The following SOX5 variants were observed in gnomAD, a reference collection of about 807,000 sequenced individuals.
The protein encoded by SOX5 is transcription factor SOX-5.
A neutral mutation model predicts 92.0 loss-of-function variants in SOX5; 9 were observed. The observed-to-expected ratio is 0.10, with a 90% CI of 0.06 to 0.17. The LOEUF is 0.17. SOX5 is among the 10% of genes least tolerant of loss of function. SOX5 has a pLI of 1.00. For missense variants in SOX5, 642 were observed against 944.5 expected (o/e 0.68, Z 4.20); for synonymous variants, 344 against 336.3 (o/e 1.02, Z -0.25).
At chr12:23,898,103 T>C (rs1407667386) in intron 1 of SOX5, among the ~76,000 whole-genome samples, 1 of 152,184 alleles carries the variant, frequency 6.6e-6, no homozygotes, top group Non-Finnish European at 1.5e-5. Flanking sequence ...ACTGTTCTGA[T>C]TCGATGTTCT....
intron 4 of SOX5, among the ~76,000 whole-genome samples, chr12:24,097,329 A>G (rs1945542818): frequency 6.6e-6 from 1 of 151,876 alleles, no homozygotes; most frequent in Non-Finnish European, 1.5e-5. Context: ...TTATGTTTAT[A>G]CTCTTTTATA....
intron 3 of SOX5, among the ~76,000 whole-genome samples, chr12:24,220,224 T>G (rs1159303181): frequency 1.3e-5 from 2 of 152,106 alleles, no homozygotes; most frequent in Non-Finnish European, 2.9e-5. Context: ...ATCATCATTA[T>G]CATCAAGTAG....
intron 6 of SOX5, among the ~76,000 whole-genome samples, chr12:23,685,250 C>T (rs2087317115): frequency 6.6e-6 from 1 of 151,898 alleles, no homozygotes. Flanking sequence ...TCTTTCTATT[C>T]TCCTGCTTTA....
rs200764196 is a variant in SOX5 at position 24,412,782 on chromosome 12, T to TTC, written c.-250-44144_-250-44143insGA. ...CTGCTGGGTTTCCATTAGATTTTCTTTTTTTTTTTTTTTTTGAGAGGGAGT... is the reference window on the plus strand; with the variant it reads ...CTGCTGGGTTTCCATTAGATTTTCTTTCTTTTTTTTTTTTTTTGAGAGGGAGT... On this transcript the variant is annotated intron_variant, in intron 1 of 4. Transcript: ENST00000446891. Among the ~76,000 whole-genome samples the TTC allele has an allele frequency of 2.0e-4, 29 of 146,012 alleles. 1 individual carries two copies. The highest frequency in any genetic ancestry group is 3.5e-3 in the Middle Eastern group (1 of 284).
chr12:24,252,375 A>G (rs1213915310), intron 3 of SOX5, among the ~76,000 whole-genome samples: 1 of 152,170 alleles, frequency 6.6e-6, no homozygotes, highest in Non-Finnish European at 1.5e-5. Flanking sequence ...TCGTTTTTAC[A>G]TAGAGAATGT....
intron 4 of SOX5, among the ~76,000 whole-genome samples, chr12:24,064,120 T>A (rs1434104857): frequency 6.6e-6 from 1 of 152,186 alleles, no homozygotes; most frequent in Non-Finnish European, 1.5e-5. Context: ...GAACCACCAA[T>A]GCTAGCCTTT....
At position 24,136,604 on chromosome 12, in the gene SOX5, G is replaced by T. The variant is rs79373135; in HGVS notation, c.-2+76739C>A. Among the ~76,000 whole-genome samples, 212 of 152,242 alleles carry T rather than the reference G, an allele frequency of 1.4e-3. 4 individuals are homozygous for T. In the East Asian group the frequency reaches 0.039, roughly 28 times the overall value. On this transcript the variant is annotated intron_variant, in intron 4 of 4. Coordinates refer to the SOX5 transcript ENST00000446891. Reference sequence around the variant, plus strand: ...GGGATGTGCTGCTATTGTTTAAGGGGGCTTCAGAACTTGTAGCAGTGAGGG... The same window carrying T: ...GGGATGTGCTGCTATTGTTTAAGGGTGCTTCAGAACTTGTAGCAGTGAGGG...
chr12:24,517,958 G>A (rs755558645), intron 1 of SOX5, among the ~76,000 whole-genome samples: 12 of 151,984 alleles, frequency 7.9e-5, no homozygotes, highest in Non-Finnish European at 1.0e-4. Flanking sequence ...TAGTTTCAAC[G>A]TACAATACAA....
At chr12:23,894,999 A>G (rs759646812) in intron 2 of SOX5, among the ~76,000 whole-genome samples, 8 of 152,082 alleles carry the variant, frequency 5.3e-5, no homozygotes, top group African/African-American at 1.9e-4. Flanking sequence ...CCTTCTTAAC[A>G]TTATGATTCT....
chr12:23,612,788 T>C (rs566482808), intron 8 of SOX5, among the ~76,000 whole-genome samples: 1 of 152,274 alleles, frequency 6.6e-6, no homozygotes, highest in East Asian at 1.9e-4. Context: ...CTTCCTGTTT[T>C]TAAGAGGAGG....
chr12:24,472,288 G>A (rs1196893415), intron 1 of SOX5, among the ~76,000 whole-genome samples: 1 of 152,138 alleles, frequency 6.6e-6, no homozygotes, highest in Non-Finnish European at 1.5e-5. Context: ...AAGGTTAAAG[G>A]GAATCCAGAG....
intron 1 of SOX5, among the ~76,000 whole-genome samples, chr12:24,542,393 T>C (rs1245354865): frequency 6.6e-6 from 1 of 152,238 alleles, no homozygotes; most frequent in Non-Finnish European, 1.5e-5. Context: ...CTATGTATCC[T>C]TACAGCTGCC....
At chr12:23,672,470 T>A (rs2084953219) in intron 6 of SOX5, among the ~76,000 whole-genome samples, 1 of 152,044 alleles carries the variant, frequency 6.6e-6, no homozygotes, top group Admixed American at 6.6e-5. Flanking sequence ...GCCCTATGAG[T>A]TTATATGATA....
At chr12:23,963,749 G>C (rs951226058) in intron 4 of SOX5, among the ~76,000 whole-genome samples, 4 of 119,328 alleles carry the variant, frequency 3.4e-5, no homozygotes, top group African/African-American at 1.3e-4. Context: ...ATGCAGGCAG[G>C]CATGCATGAA....
At chr12:23,664,105 T>A (rs10771014) in intron 7 of SOX5, among the ~76,000 whole-genome samples, 1 of 151,958 alleles carries the variant, frequency 6.6e-6, no homozygotes. Context: ...AATCTCAAAT[T>A]GCTTTGCATA....
chr12:23,823,859 T>G (rs2096175873), intron 3 of SOX5, among the ~76,000 whole-genome samples: 1 of 152,226 alleles, frequency 6.6e-6, no homozygotes, highest in Non-Finnish European at 1.5e-5. Flanking sequence ...TTTATTTCAT[T>G]AAGTTGATCT....
At chr12:24,535,547 A>G (rs1951566985) in intron 1 of SOX5, among the ~76,000 whole-genome samples, 1 of 152,204 alleles carries the variant, frequency 6.6e-6, no homozygotes, top group African/African-American at 2.4e-5. Context: ...TTCCAATTGC[A>G]GTAGCCCAGC....
chr12:24,377,960 G>T (rs1375144568), intron 1 of SOX5, among the ~76,000 whole-genome samples: 1 of 152,188 alleles, frequency 6.6e-6, no homozygotes, highest in African/African-American at 2.4e-5. Context: ...CATGTAAATC[G>T]CATATGAGGT....
intron 6 of SOX5, among the ~76,000 whole-genome samples, chr12:23,680,053 T>C (rs1317069089): frequency 3.3e-5 from 5 of 151,492 alleles, no homozygotes; most frequent in Non-Finnish European, 5.9e-5. Context: ...AGGCCGGGCA[T>C]GGTGGCTCAT....
Sources: allele counts gnomAD v4.1 joint callset (sites outside exome capture counted in the v4.1 genomes callset), GRCh38; gene constraint gnomAD v4.1.1; transcripts MANE v1.5; gene names NCBI Gene and HGNC (gene_info 2026-07-23, HGNC 2026-07-21).